Variants in GHRHR observed in about 807,000 individuals in gnomAD.
GHRHR encodes the protein growth hormone releasing hormone receptor, also known as growth hormone-releasing hormone receptor.
GHRHR carries 40 observed loss-of-function variants against 58.3 expected under a neutral mutation model. The observed-to-expected ratio is 0.69, with a 90% CI of 0.53 to 0.89. The LOEUF (loss-of-function observed/expected upper bound fraction) is 0.89. GHRHR is among the 40% of genes least tolerant of loss of function. The probability of loss-of-function intolerance (pLI) is 0.00; values close to 1 mark genes in which losing one functional copy is unlikely to be tolerated. For missense variants in GHRHR, 551 were observed against 541.3 expected, an observed-to-expected ratio of 1.02 and a Z score of -0.18; for synonymous variants, 249 against 216.6, an observed-to-expected ratio of 1.15 and a Z score of -1.31.
At chr7:30,964,641 G>A (rs1792304204) in intron 1 of GHRHR, among the ~76,000 whole-genome samples, 1 of 152,204 alleles carries the variant, frequency 6.6e-6, no homozygotes, top group South Asian at 2.1e-4. Context: ...TGTGGCCAGG[G>A]AAGGAATGGA....
chr7:30,968,667 A>G (rs948271426), intron 1 of GHRHR, among the ~76,000 whole-genome samples, 167 bp from the exon 2 acceptor site: 2 of 103,774 alleles, frequency 1.9e-5, no homozygotes, highest in African/African-American at 4.7e-5. Context: ...CCTTCCTTCC[A>G]TCTGAACATC....
chr7:30,970,648 G>A (rs539756944), intron 4 of GHRHR, among the ~76,000 whole-genome samples: 1 of 152,358 alleles, frequency 6.6e-6, no homozygotes, highest in Non-Finnish European at 1.5e-5. Context: ...TTCAGGGCCA[G>A]GCTGGACTCT....
chr7:30,973,958 C>T lies in GHRHR; in HGVS notation c.598-27C>T, dbSNP rs373672178. On this transcript the variant is annotated intron_variant, in intron 6 of 12. Transcript: ENST00000326139. ...TGGGGCTCCAGTGGGTGTCCCAGCT[C>T]TGAAGCACCCAGGTCCTGGCCCCCA... The T allele has an allele frequency of 3.1e-6, 5 of 1,611,766 alleles. No individual in the cohort carries two copies. The African/African-American group carries it at 5.3e-5, about 17-fold the overall frequency.
intron 12 of GHRHR, among the ~76,000 whole-genome samples, chr7:30,977,959 T>C (rs1200535766): frequency 6.6e-6 from 1 of 152,166 alleles, no homozygotes; most frequent in East Asian, 1.9e-4. Flanking sequence ...GACACTGAAT[T>C]TCCCCCTTAG....
Position 30,972,045 on chromosome 7 carries a change from G to T in GHRHR, c.547G>T (p.Asp183Tyr). 6.2e-7 allele frequency: 1 copy of T among 1,614,046 alleles called. No homozygotes were observed. Among genetic ancestry groups the T allele is most frequent in the Non-Finnish European group, 8.5e-7 (1 of 1,180,004 alleles). ...CAAGGCGGGAGCTGTGTTCCTGAAG[G>T]ATGCTGCCCTTTTCCACAGCGACGA... Reference protein sequence around the residue: ...ILKAGAVFLKDAALFHSDDTD... With the variant: ...ILKAGAVFLKYAALFHSDDTD... Residue 183 changes from aspartate (D) to tyrosine (Y), a missense_variant, in exon 6 of 13, where the codon GAT becomes TAT. Asp to Tyr is a radical substitution (Grantham distance 160). Coordinates refer to ENST00000326139, the MANE Select transcript of GHRHR (RefSeq NM_000823.4).
chr7:30,968,816 G>C lies in GHRHR; in HGVS notation c.58-18G>C. 14 of 1,586,152 alleles carry C rather than the reference G, an allele frequency of 8.8e-6. No individual in the cohort carries two copies. The highest frequency in any genetic ancestry group is 1.2e-5 in the Non-Finnish European group (14 of 1,154,662). ...ACACCCAAATGGCTTGGCTCATCCTGTTCACTGTTTCCAGCAGGTATTGGG... is the reference window on the plus strand; with the variant it reads ...ACACCCAAATGGCTTGGCTCATCCTCTTCACTGTTTCCAGCAGGTATTGGG... On this transcript the variant is annotated intron_variant, in intron 1 of 12. Coordinates refer to ENST00000326139, the MANE Select transcript of GHRHR (RefSeq NM_000823.4).
rs765740795 is a variant in GHRHR at position 30,972,048 on chromosome 7, G to C, written c.550G>C (p.Ala184Pro). 3 of 1,614,044 alleles carry C rather than the reference G, an allele frequency of 1.9e-6. No individual in the cohort carries two copies. The East Asian group carries it at 6.7e-5, about 36-fold the overall frequency. ...LKAGAVFLKDAALFHSDDTDH... is the reference protein window; with the variant it reads ...LKAGAVFLKDPALFHSDDTDH... Reference sequence around the variant, plus strand: ...GGCGGGAGCTGTGTTCCTGAAGGATGCTGCCCTTTTCCACAGCGACGACAC... The same window carrying C: ...GGCGGGAGCTGTGTTCCTGAAGGATCCTGCCCTTTTCCACAGCGACGACAC... The change falls in exon 6 of 13, where the codon GCT (alanine) becomes CCT (proline). Residue 184 changes from alanine to proline, a missense_variant. Physicochemically the swap from Ala to Pro is conservative, Grantham distance 27 (BLOSUM62 -1). Transcript: ENST00000326139.
chr7:30,978,696 A>G (rs1186748698), intron 12 of GHRHR, among the ~76,000 whole-genome samples: 1 of 152,066 alleles, frequency 6.6e-6, no homozygotes, highest in Non-Finnish European at 1.5e-5. Context: ...AACCCCTCAG[A>G]CAGAGTTCTG....
chr7:30,979,113 C>G lies in GHRHR; in HGVS notation c.1147-6C>G, dbSNP rs778371170. 6.2e-7 allele frequency: 1 copy of G among 1,613,564 alleles called. No homozygotes were observed. The highest frequency in any genetic ancestry group is 8.5e-7 in the Non-Finnish European group (1 of 1,179,518). On this transcript the variant is annotated splice_polypyrimidine_tract_variant and splice_region_variant and intron_variant, in intron 12 of 12. Transcript: ENST00000326139. ...CTTCCTAACGTCCTCTTCCTTGTCCCTGGAGGTGAGGACTGAGATCTCACG... is the reference window on the plus strand; with the variant it reads ...CTTCCTAACGTCCTCTTCCTTGTCCGTGGAGGTGAGGACTGAGATCTCACG...
At chr7:30,970,275 G>A (rs1474350665) in intron 4 of GHRHR, among the ~76,000 whole-genome samples, 1 of 152,174 alleles carries the variant, frequency 6.6e-6, no homozygotes, top group Non-Finnish European at 1.5e-5. Context: ...GAGGAAACAA[G>A]GCTCCTAGCA....
chr7:30,978,354 G>T (rs962348747), intron 12 of GHRHR, among the ~76,000 whole-genome samples: 1 of 152,150 alleles, frequency 6.6e-6, no homozygotes, highest in African/African-American at 2.4e-5. Flanking sequence ...CCACAGAGAG[G>T]TGTGAAGGGA....
In GHRHR at chr7:30,969,131, C is replaced by T. The variant is rs1157546341; in HGVS notation, c.229C>T (p.Pro77Ser). The change falls in exon 3 of 13, where the codon CCC becomes TCC. Residue 77 changes from proline (P) to serine (S), a missense_variant. Physicochemically the swap from Pro to Ser is moderately conservative, Grantham distance 74. Transcript: ENST00000326139. Reference sequence around the variant, plus strand: ...AGGCTCTGGCGAGTGGGTCACCCTCCCCTGCCCGGATTTCTTCTCTCACTT... The same window carrying T: ...AGGCTCTGGCGAGTGGGTCACCCTCTCCTGCCCGGATTTCTTCTCTCACTT... ...TAGSGEWVTLPCPDFFSHFSS... is the reference protein window; with the variant it reads ...TAGSGEWVTLSCPDFFSHFSS... The T allele has an allele frequency of 6.3e-7, 1 of 1,575,350 alleles. No individual in the cohort carries two copies. Among genetic ancestry groups the T allele is most frequent in the Non-Finnish European group, 8.6e-7 (1 of 1,160,294 alleles).
chr7:30,972,894 A>T (rs1424412869), intron 6 of GHRHR, among the ~76,000 whole-genome samples: 1 of 152,248 alleles, frequency 6.6e-6, no homozygotes, highest in Non-Finnish European at 1.5e-5. Flanking sequence ...ATTTTGTGCC[A>T]GGCATTGCAC....
chr7:30,976,192 C>A (rs1200506339), intron 10 of GHRHR, among the ~76,000 whole-genome samples: 1 of 152,134 alleles, frequency 6.6e-6, no homozygotes, highest in African/African-American at 2.4e-5. Flanking sequence ...TTGATCCACA[C>A]TTTGAAAGAT....
chr7:30,975,484 C>CAAAGTGAGGGACA (rs1792558662), intron 9 of GHRHR, among the ~76,000 whole-genome samples: 2 of 152,192 alleles, frequency 1.3e-5, no homozygotes, highest in African/African-American at 4.8e-5. Context: ...GGGACATCTG[C>CAAAGTGAGGGACA]TTTGTGCTAG....
intron 5 of GHRHR, 47 bp downstream of exon 5, chr7:30,971,263 T>C (rs746126447): frequency 1.2e-6 from 1 of 845,178 alleles, no homozygotes; most frequent in South Asian, 1.4e-5. Flanking sequence ...TGGCTCCTTA[T>C]TTCCCAGAGG....
chr7:30,979,230 A>G lies in GHRHR; in HGVS notation c.1258A>G (p.Thr420Ala). ...TTCCCGCTCGGCGGCAAAGGTGCTG[A>G]CATCTATGTGCTAGGCTGCCTCATC... ...TPSRSAAKVL[T>A]SMC The change falls in exon 13 of 13, where the codon ACA (threonine) becomes GCA (alanine). Residue 420 changes from threonine to alanine, a missense_variant. Coordinates refer to ENST00000326139, the MANE Select transcript of GHRHR (RefSeq NM_000823.4). 1 of 1,614,014 alleles carries G rather than the reference A, an allele frequency of 6.2e-7. No individual in the cohort carries two copies. The highest frequency in any genetic ancestry group is 8.5e-7 in the Non-Finnish European group (1 of 1,179,936).
intron 10 of GHRHR, 28 bp downstream of exon 10, chr7:30,975,896 T>C (rs753040204): frequency 7.9e-7 from 1 of 1,270,162 alleles, no homozygotes; most frequent in Non-Finnish European, 1.2e-6. Flanking sequence ...CTGGGGATAC[T>C]GGGAAAGGGT....
intron 4 of GHRHR, 129 bp from the exon 5 acceptor site, chr7:30,970,990 G>T: frequency 2.9e-6 from 2 of 701,366 alleles, no homozygotes; most frequent in South Asian, 1.5e-5. Flanking sequence ...TGGTACTCGC[G>T]GACACCTCTG....
Sources: gnomAD v4.1 joint callset for allele counts (sites outside exome capture counted in the v4.1 genomes callset) on GRCh38, gnomAD v4.1.1 for gene constraint, MANE v1.5 for transcripts, NCBI Gene and HGNC (gene_info 2026-07-23, HGNC 2026-07-21) for gene names.